The following TAB2 variants were observed in gnomAD, a reference collection of about 807,000 sequenced individuals.
The protein encoded by TAB2 is TGF-beta-activated kinase 1 and MAP3K7-binding protein 2.
Under a neutral mutation model 65.0 loss-of-function variants are expected in TAB2, and 3 were observed. The ratio of observed to expected loss-of-function variants is 0.05; its 90% confidence interval spans 0.02 to 0.12. The LOEUF (loss-of-function observed/expected upper bound fraction) is 0.12, where lower values mean the gene tolerates loss of function less well. Among genes scored for constraint, TAB2 ranks in the 10% least tolerant of loss-of-function variants. The pLI is 1.00. For synonymous variants in TAB2, 298 were observed against 285.1 expected, an observed-to-expected ratio of 1.05 and a Z score of -0.46; for missense variants, 623 against 840.3, an observed-to-expected ratio of 0.74 and a Z score of 3.20.
intron 6 of TAB2, among the ~76,000 whole-genome samples, chr6:149,399,529 T>A (rs537186036): frequency 7.8e-6 from 1 of 127,390 alleles, no homozygotes; most frequent in African/African-American, 2.8e-5. Context: ...CTTAGGGAAG[T>A]TCCCCCCCCC....
At chr6:149,406,438 A>C (rs926057415) in intron 6 of TAB2, among the ~76,000 whole-genome samples, 1 of 152,188 alleles carries the variant, frequency 6.6e-6, no homozygotes, top group Non-Finnish European at 1.5e-5. Flanking sequence ...AAATTAGGAC[A>C]TTTTATGAAT....
intron 1 of TAB2, among the ~76,000 whole-genome samples, chr6:149,259,820 C>T (rs960192386): frequency 6.6e-6 from 1 of 152,212 alleles, no homozygotes; most frequent in Non-Finnish European, 1.5e-5. Flanking sequence ...ACCCCTTCCA[C>T]TCATCAGTGT....
chr6:149,357,213 C>T (rs1304257605), intron 1 of TAB2, among the ~76,000 whole-genome samples: 1 of 151,864 alleles, frequency 6.6e-6, no homozygotes, highest in Non-Finnish European at 1.5e-5. Context: ...GTCAGGAGTT[C>T]GAGAGCAGCC....
At chr6:149,241,706 T>C (rs893282192) in intron 1 of TAB2, among the ~76,000 whole-genome samples, 1 of 152,232 alleles carries the variant, frequency 6.6e-6, no homozygotes, top group Non-Finnish European at 1.5e-5. Flanking sequence ...CATATTACGC[T>C]ATCTGGAATG....
chr6:149,407,915 G>A (rs184981422), intron 6 of TAB2, among the ~76,000 whole-genome samples: 29 of 152,040 alleles, frequency 1.9e-4, no homozygotes, highest in African/African-American at 6.3e-4. Context: ...AAATTTGCTG[G>A]CATTTAATAA....
chr6:149,224,025 C>A (rs557701582), intron 1 of TAB2, among the ~76,000 whole-genome samples: 1 of 152,202 alleles, frequency 6.6e-6, no homozygotes, highest in African/African-American at 2.4e-5. Context: ...ACCCACTGGC[C>A]AAAACTTCAT....
intron 2 of TAB2, among the ~76,000 whole-genome samples, chr6:149,376,276 C>A (rs576766748): frequency 2.6e-5 from 4 of 152,186 alleles, no homozygotes; most frequent in East Asian, 1.9e-4. Flanking sequence ...CCCTGAATAC[C>A]CTTTGTGTCT....
intron 1 of TAB2, among the ~76,000 whole-genome samples, chr6:149,235,877 G>A (rs1777485513): frequency 6.6e-6 from 1 of 152,218 alleles, no homozygotes; most frequent in African/African-American, 2.4e-5. Context: ...GACTTCCACA[G>A]GGGGAGGACA....
chr6:149,394,117 T>G lies in TAB2; in HGVS notation c.1604-3487T>G, dbSNP rs112003448. On this transcript the variant is annotated intron_variant, in intron 3 of 6. Coordinates refer to ENST00000637181, the MANE Select transcript of TAB2 (RefSeq NM_001292034.3). Reference sequence around the variant, plus strand: ...TTCTGCAACTCTTAAGTTTTTTTTGTTCTTTTTTTCACTTGTTTCTTGGTG... The same window carrying G: ...TTCTGCAACTCTTAAGTTTTTTTTGGTCTTTTTTTCACTTGTTTCTTGGTG... Among the ~76,000 whole-genome samples, 552 of 152,230 alleles carry G rather than the reference T, an allele frequency of 3.6e-3. 4 individuals carry two copies. The highest frequency in any genetic ancestry group is 0.024 in the Middle Eastern group (7 of 294).
At chr6:149,262,452 G>A (rs1778174308) in intron 1 of TAB2, among the ~76,000 whole-genome samples, 1 of 151,904 alleles carries the variant, frequency 6.6e-6, no homozygotes, top group Non-Finnish European at 1.5e-5. Flanking sequence ...AGAACCACTT[G>A]AACCCAGGAG....
intron 6 of TAB2, 43 bp downstream of exon 6, chr6:149,399,227 G>A (rs1483397681): frequency 6.3e-7 from 1 of 1,577,666 alleles, no homozygotes; most frequent in Non-Finnish European, 8.7e-7. Context: ...CTTTTGAAAA[G>A]CAAAATTTTA....
intron 3 of TAB2, among the ~76,000 whole-genome samples, chr6:149,391,926 T>C (rs1337115776): frequency 6.6e-6 from 1 of 152,120 alleles, no homozygotes; most frequent in Non-Finnish European, 1.5e-5. Flanking sequence ...TTGGCAGTGA[T>C]GTTTTTAATT....
At chr6:149,310,588 T>C (rs1779151112) in intron 1 of TAB2, among the ~76,000 whole-genome samples, 1 of 152,126 alleles carries the variant, frequency 6.6e-6, no homozygotes, top group South Asian at 2.1e-4. Context: ...AAATTGCATT[T>C]ACATGATTAC....
chr6:149,299,839 C>T (rs1015289493), intron 1 of TAB2, among the ~76,000 whole-genome samples: 1 of 124,324 alleles, frequency 8.0e-6, no homozygotes, highest in South Asian at 2.5e-4. Flanking sequence ...CACAGTTCTA[C>T]AATTTTTTTT....
chr6:149,272,992 T>C (rs1214122945), intron 1 of TAB2, among the ~76,000 whole-genome samples: 1 of 150,926 alleles, frequency 6.6e-6, no homozygotes, highest in Non-Finnish European at 1.5e-5. Context: ...GGTGAAAGAG[T>C]TTCATCCAGA....
chr6:149,339,597 A>ATTTTTTTT (rs1160637055), intron 1 of TAB2, among the ~76,000 whole-genome samples: 1 of 35,748 alleles, frequency 2.8e-5, no homozygotes, highest in African/African-American at 4.8e-5. Flanking sequence ...TTATTTATTT[A>ATTTTTTTT]TTTATTTATT....
intron 1 of TAB2, among the ~76,000 whole-genome samples, chr6:149,273,969 C>A (rs1400312315): frequency 6.6e-6 from 1 of 152,182 alleles, no homozygotes; most frequent in African/African-American, 2.4e-5. Context: ...CTTAGTATAG[C>A]AAGAAGACTG....
chr6:149,391,420 A>G (rs1781980370), intron 3 of TAB2, among the ~76,000 whole-genome samples: 1 of 151,846 alleles, frequency 6.6e-6, no homozygotes, highest in Non-Finnish European at 1.5e-5. Context: ...GATCCCCACT[A>G]TGGTTTCTCC....
At chr6:149,276,236 T>C (rs1392447541) in intron 1 of TAB2, among the ~76,000 whole-genome samples, 1 of 152,140 alleles carries the variant, frequency 6.6e-6, no homozygotes, top group Non-Finnish European at 1.5e-5. Flanking sequence ...GAAATGAATA[T>C]AATGGACTAA....
Sources: gnomAD v4.1 joint callset for allele counts (sites outside exome capture counted in the v4.1 genomes callset) on GRCh38, gnomAD v4.1.1 for gene constraint, MANE v1.5 for transcripts, NCBI Gene and HGNC (gene_info 2026-07-23, HGNC 2026-07-21) for gene names.